Variants in PAN3 observed in about 807,000 individuals in gnomAD.
PAN3 encodes poly(A) specific ribonuclease subunit PAN3.
In PAN3, 19 loss-of-function variants were observed where a neutral mutation model predicts 96.2. The observed-to-expected ratio is 0.20, with a 90% CI of 0.14 to 0.29. The LOEUF is 0.29. PAN3 is among the 10% of genes least tolerant of loss of function. The pLI is 1.00. For synonymous variants in PAN3, 433 were observed against 406.6 expected (o/e 1.06, Z -0.78); for missense variants, 882 against 1,108.1 (o/e 0.80, Z 2.90).
At chr13:28,195,591 A>G (rs1877952023) in intron 4 of PAN3, among the ~76,000 whole-genome samples, 1 of 152,102 alleles carries the variant, frequency 6.6e-6, no homozygotes, top group Non-Finnish European at 1.5e-5. Flanking sequence ...GCTGGAGTGC[A>G]GTGTCATGAT....
At chr13:28,209,705 C>A (rs1879798049) in intron 5 of PAN3, among the ~76,000 whole-genome samples, 1 of 152,018 alleles carries the variant, frequency 6.6e-6, no homozygotes, top group African/African-American at 2.4e-5. Context: ...CAAGGGCATG[C>A]TTATTCTTTG....
At chr13:28,266,581 T>C in intron 9 of PAN3, 134 bp from the exon 10 acceptor site, 1 of 604,498 alleles carries the variant, frequency 1.7e-6, no homozygotes, top group Admixed American at 3.3e-5. Context: ...GTAATAAATG[T>C]TTACACTATT....
chr13:28,185,033 A>G (rs1017203032), intron 4 of PAN3, among the ~76,000 whole-genome samples: 3 of 152,176 alleles, frequency 2.0e-5, no homozygotes, highest in African/African-American at 4.8e-5. Context: ...TTAAAATAAC[A>G]TGGAAATCTC....
At chr13:28,282,449 A>G (rs866586324) in intron 17 of PAN3, among the ~76,000 whole-genome samples, 3 of 152,114 alleles carry the variant, frequency 2.0e-5, no homozygotes, top group African/African-American at 7.2e-5. Flanking sequence ...ACATAACAAT[A>G]TATGTTAAAC....
chr13:28,243,649 G>A (rs1444584113), intron 6 of PAN3, among the ~76,000 whole-genome samples: 3 of 151,930 alleles, frequency 2.0e-5, no homozygotes, highest in African/African-American at 4.8e-5. Context: ...GAGGCTAACA[G>A]TGAGCCACTT....
intron 5 of PAN3, chr13:28,215,329 T>C: frequency 1.3e-6 from 1 of 744,068 alleles, no homozygotes; most frequent in Non-Finnish European, 2.5e-6. Context: ...ACTGGTGTTC[T>C]CAAACCCGTT....
Position 28,239,447 on chromosome 13 carries a change from C to A in PAN3, c.1001-16845C>A, listed in dbSNP as rs185833857. 7.0e-5 allele frequency: 26 copies of A among 369,972 alleles called. No individual in the cohort carries two copies. The East Asian group carries it at 2.0e-3, about 28-fold the overall frequency. 22.9% of individuals were successfully genotyped at this position (369,972 alleles called of 1,614,324 possible). A position where few individuals can be genotyped will look rare whatever the true frequency, so the allele number is the denominator to read the frequency against. On this transcript the variant is annotated intron_variant, in intron 6 of 18. Transcript: ENST00000380958. ...CCATGACATATAGATGCCTTTGGTT[C>A]ATTGGCTACTTCTGTAGTTGAAAGG...
At chr13:28,292,274 G>A in intron 18 of PAN3, 108 bp from the exon 19 acceptor site, 1 of 1,154,264 alleles carries the variant, frequency 8.7e-7, no homozygotes. Context: ...TATCTGAAAG[G>A]GAATGTGACA....
intron 6 of PAN3, among the ~76,000 whole-genome samples, chr13:28,230,528 T>A (rs569692046): frequency 6.6e-6 from 1 of 152,178 alleles, no homozygotes; most frequent in East Asian, 1.9e-4. Context: ...TCAACTAAAT[T>A]GTTCACATGA....
At chr13:28,214,241 G>A (rs747261511) in intron 5 of PAN3, among the ~76,000 whole-genome samples, 7 of 152,136 alleles carry the variant, frequency 4.6e-5, no homozygotes, top group Non-Finnish European at 8.8e-5. Flanking sequence ...CAAATGAAAC[G>A]TGTATTTGTG....
chr13:28,247,712 C>T (rs1337784791), intron 6 of PAN3, among the ~76,000 whole-genome samples: 2 of 152,102 alleles, frequency 1.3e-5, no homozygotes, highest in South Asian at 4.1e-4. Context: ...TTCTTGGCAC[C>T]GTTATGGAAA....
chr13:28,172,955 C>A (rs7992521), intron 1 of PAN3, among the ~76,000 whole-genome samples: 3,879 of 152,248 alleles, frequency 0.025, 149 homozygotes, highest in African/African-American at 0.088. Flanking sequence ...AGCATAGATT[C>A]AAGTTGCCCT....
intron 5 of PAN3, among the ~76,000 whole-genome samples, chr13:28,210,726 G>C (rs948297192): frequency 6.6e-6 from 1 of 151,942 alleles, no homozygotes; most frequent in Non-Finnish European, 1.5e-5. Context: ...GAAATAAGTG[G>C]AAATAACAAT....
intron 8 of PAN3, 36 bp from the exon 9 acceptor site, chr13:28,261,363 CTG>C: frequency 7.1e-6 from 10 of 1,402,680 alleles, no homozygotes; most frequent in African/African-American, 1.7e-5. Flanking sequence ...GTTTCAGAAT[CTG>C]TGTTTAAATA....
intron 6 of PAN3, among the ~76,000 whole-genome samples, chr13:28,244,817 T>C (rs909729291): frequency 1.3e-5 from 2 of 151,988 alleles, no homozygotes; most frequent in Admixed American, 1.3e-4. Context: ...TAGATATAAT[T>C]AGCTTGGTTA....
At chr13:28,280,632 G>C in intron 16 of PAN3, 91 bp downstream of exon 16, 3 of 1,202,342 alleles carry the variant, frequency 2.5e-6, no homozygotes. Context: ...TGCTATCTCG[G>C]CTTACTGTAA....
At chr13:28,239,905 T>C (rs1178280154) in intron 6 of PAN3, 3 of 310,074 alleles carry the variant, frequency 9.7e-6, no homozygotes, top group African/African-American at 6.6e-5. Context: ...AGAATTTGTA[T>C]GCACTGAGAG....
chr13:28,159,164 C>A (rs1292087317), intron 1 of PAN3, among the ~76,000 whole-genome samples: 1 of 152,152 alleles, frequency 6.6e-6, no homozygotes, highest in Non-Finnish European at 1.5e-5. Context: ...ATGTTCATTG[C>A]AGCACTCTTC....
At chr13:28,215,228 A>G (rs891651528) in intron 5 of PAN3, 13 of 711,502 alleles carry the variant, frequency 1.8e-5, no homozygotes, top group Middle Eastern at 7.6e-4. Flanking sequence ...TCCTCCCACT[A>G]GCTTGTCCAA....
Sources: allele counts gnomAD v4.1 joint callset (sites outside exome capture counted in the v4.1 genomes callset), GRCh38; gene constraint gnomAD v4.1.1; transcripts MANE v1.5; gene names NCBI Gene and HGNC (gene_info 2026-07-23, HGNC 2026-07-21).